CNNM2: variants seen among roughly 807,000 people sequenced by gnomAD.
CNNM2 encodes the protein metal transporter CNNM2.
Under a neutral mutation model 66.9 loss-of-function variants are expected in CNNM2, and 12 were observed. That is an observed-to-expected ratio of 0.18 (90% CI 0.11 to 0.29). The LOEUF is 0.29. CNNM2 is among the 10% of genes least tolerant of loss of function. The pLI, the probability that CNNM2 is intolerant of heterozygous loss-of-function variation, is 1.00. For missense variants in CNNM2, 705 were observed against 1,167.7 expected (o/e 0.60, Z 5.77); for synonymous variants, 557 against 501.8 (o/e 1.11, Z -1.47).
At position 103,077,959 on chromosome 10, in the gene CNNM2, A is replaced by G. The variant is rs1590518154; in HGVS notation, c.*779A>G. 2 of 152,780 alleles carry G rather than the reference A, an allele frequency of 1.3e-5. No individual in the cohort carries two copies. Among genetic ancestry groups the G allele is most frequent in the East Asian group, 3.9e-4 (2 of 5,188 alleles). 9.5% of individuals were successfully genotyped at this position (152,780 alleles called of 1,614,324 possible). A position where few individuals can be genotyped will look rare whatever the true frequency, so the allele number is the denominator to read the frequency against. On this transcript the variant is annotated 3_prime_UTR_variant, in exon 8 of 8. Transcript: ENST00000369878. Reference sequence around the variant, plus strand: ...ATGAATTTAAAACCCATGGTTTATCATTGGCAAGAGGCAAGTTGACTTCAT... The same window carrying G: ...ATGAATTTAAAACCCATGGTTTATCGTTGGCAAGAGGCAAGTTGACTTCAT...
intron 4 of CNNM2, among the ~76,000 whole-genome samples, chr10:103,063,995 G>A (rs1314367569): frequency 2.0e-5 from 3 of 152,236 alleles, no homozygotes; most frequent in South Asian, 2.1e-4. Context: ...AATAAGATAC[G>A]TTTACTGGAT....
At chr10:102,941,788 C>CT (rs972433825) in intron 1 of CNNM2, among the ~76,000 whole-genome samples, 13 of 151,498 alleles carry the variant, frequency 8.6e-5, no homozygotes, top group African/African-American at 1.5e-4. Flanking sequence ...CATCTTTTTT[C>CT]TTTTTTTTTC....
intron 1 of CNNM2, among the ~76,000 whole-genome samples, chr10:102,952,907 G>A (rs960239579): frequency 6.6e-6 from 1 of 152,206 alleles, no homozygotes; most frequent in Non-Finnish European, 1.5e-5. Flanking sequence ...AATAAGGTTG[G>A]TAAGAACTCT....
intron 1 of CNNM2, among the ~76,000 whole-genome samples, chr10:103,036,128 GACACACAC>G (rs140473396): frequency 1.3e-5 from 2 of 150,160 alleles, no homozygotes; most frequent in African/African-American, 4.9e-5. Context: ...AAACCAATAG[GACACACAC>G]ACACACACAC....
intron 1 of CNNM2, among the ~76,000 whole-genome samples, chr10:102,940,950 C>G (rs976772220): frequency 6.6e-6 from 1 of 151,834 alleles, no homozygotes; most frequent in Non-Finnish European, 1.5e-5. Context: ...GTCACAAACT[C>G]CTGACCTCAA....
At position 102,919,908 on chromosome 10, in the gene CNNM2, C is replaced by A; in HGVS notation, c.1428C>A (p.Ser476Arg). ...DFNTMSEIMESGYTRIPVFEG... is the reference protein window; with the variant it reads ...DFNTMSEIMERGYTRIPVFEG... ...ACACCATGTCTGAGATCATGGAGAG[C>A]GGCTACACCCGCATTCCAGTGTTTG... is the stretch of plus-strand genomic sequence containing the variant. Residue 476 changes from serine (S) to arginine (R), a missense_variant, in exon 1 of 8, where the codon AGC becomes AGA. By Grantham distance (110) the Ser-to-Arg change is moderately radical. Transcript: ENST00000369878. 1 of 1,614,180 alleles carries A rather than the reference C, an allele frequency of 6.2e-7. No individual in the cohort carries two copies. Among genetic ancestry groups the A allele is most frequent in the Non-Finnish European group, 8.5e-7 (1 of 1,180,044 alleles).
At chr10:103,007,318 T>C (rs1019134914) in intron 1 of CNNM2, among the ~76,000 whole-genome samples, 2 of 152,166 alleles carry the variant, frequency 1.3e-5, no homozygotes, top group African/African-American at 4.8e-5. Flanking sequence ...CTATGTTCAG[T>C]GGTACACATG....
chr10:102,949,179 T>C (rs1846731010), intron 1 of CNNM2, among the ~76,000 whole-genome samples: 1 of 152,044 alleles, frequency 6.6e-6, no homozygotes, highest in Non-Finnish European at 1.5e-5. Context: ...CTAGATACCA[T>C]TTATTTATTT....
intron 1 of CNNM2, among the ~76,000 whole-genome samples, chr10:102,964,664 T>C (rs1216594548): frequency 6.6e-6 from 1 of 152,138 alleles, no homozygotes; most frequent in African/African-American, 2.4e-5. Context: ...AGACATAAAC[T>C]TGGGCTCTGC....
intron 1 of CNNM2, among the ~76,000 whole-genome samples, chr10:102,957,874 C>T (rs1488915671): frequency 6.6e-6 from 1 of 152,218 alleles, no homozygotes; most frequent in African/African-American, 2.4e-5. Context: ...GAATATAGTA[C>T]TAAAGGGCAG....
intron 1 of CNNM2, among the ~76,000 whole-genome samples, chr10:103,014,581 T>C (rs2064405530): frequency 6.6e-6 from 1 of 152,212 alleles, no homozygotes; most frequent in South Asian, 2.1e-4. Context: ...AAAATTATGA[T>C]TTTTAAAAGC....
chr10:103,017,963 CAA>C (rs59984156), intron 1 of CNNM2, among the ~76,000 whole-genome samples: 40 of 78,854 alleles, frequency 5.1e-4, no homozygotes, highest in African/African-American at 1.4e-3. Context: ...GAATCTGTCT[CAA>C]AAAAAAAAAA....
rs552852939 is a variant in CNNM2, at chr10:103,039,184, A to G, written c.1622-10523A>G. On this transcript the variant is annotated intron_variant, in intron 1 of 7. Transcript: ENST00000369878. ...TTTTGAGATGGAGTCTCGCTCTGTC[A>G]GCCAGGCTGGAATGCATGGCGTGAT... is the stretch of plus-strand genomic sequence containing the variant. Among the ~76,000 whole-genome samples, 8 of 152,080 alleles carry G rather than the reference A, an allele frequency of 5.3e-5. No individual in the cohort carries two copies. The East Asian group carries it at 1.5e-3, about 29-fold the overall frequency.
chr10:102,950,616 T>G (rs1210197495), intron 1 of CNNM2, among the ~76,000 whole-genome samples: 1 of 151,880 alleles, frequency 6.6e-6, no homozygotes, highest in Non-Finnish European at 1.5e-5. Flanking sequence ...TAGCCGGGTG[T>G]GGTGATGCGC....
intron 1 of CNNM2, among the ~76,000 whole-genome samples, chr10:103,020,014 G>A (rs2064539874): frequency 1.3e-5 from 2 of 152,074 alleles, no homozygotes; most frequent in Admixed American, 1.3e-4. Context: ...TCTCTACAAC[G>A]AACATGTGTT....
At chr10:102,934,124 G>A (rs1428012540) in intron 1 of CNNM2, among the ~76,000 whole-genome samples, 6 of 151,190 alleles carry the variant, frequency 4.0e-5, no homozygotes, top group Non-Finnish European at 7.4e-5. Context: ...GATTACGGAT[G>A]AGTCACCATG....
At chr10:103,006,825 G>A (rs1047883217) in intron 1 of CNNM2, among the ~76,000 whole-genome samples, 2 of 152,026 alleles carry the variant, frequency 1.3e-5, no homozygotes, top group African/African-American at 2.4e-5. Context: ...TAGTGATGGG[G>A]TCTCGCTATG....
At chr10:103,042,809 C>T (rs887042747) in intron 1 of CNNM2, among the ~76,000 whole-genome samples, 3 of 152,148 alleles carry the variant, frequency 2.0e-5, no homozygotes, top group African/African-American at 7.2e-5. Context: ...TGCAAATTGG[C>T]TTCCTCTGGA....
At position 103,077,172 on chromosome 10, in the gene CNNM2, G is replaced by A. The variant is rs764133188; in HGVS notation, c.2620G>A (p.Ala874Thr). The change falls in exon 8 of 8, where the codon GCC becomes ACC. Residue 874 changes from alanine to threonine, a missense_variant. Physicochemically the swap from Ala to Thr is moderately conservative, Grantham distance 58 (BLOSUM62 0). This residue lies in a region of CNNM2 where 194 missense variants were observed against 227.6 expected (regional missense o/e 0.85). Transcript: ENST00000369878. ...KANHSLHNEG[A>T]I is the part of the protein sequence containing the mutation. ...CAACCACAGCCTGCACAACGAAGGC[G>A]CCATCTAGGCCGCGCTGGCTGCACC... The A allele has an allele frequency of 3.7e-6, 6 of 1,612,158 alleles. No individual in the cohort carries two copies. Among genetic ancestry groups the A allele is most frequent in the African/African-American group, 2.7e-5 (2 of 74,882 alleles).
Sources: allele counts gnomAD v4.1 joint callset (sites outside exome capture counted in the v4.1 genomes callset), GRCh38; gene constraint gnomAD v4.1.1; regional missense constraint gnomAD v4.1.1; transcripts MANE v1.5; gene names NCBI Gene and HGNC (gene_info 2026-07-23, HGNC 2026-07-21).